The following SRGAP1 variants were observed in gnomAD, a reference collection of about 807,000 sequenced individuals.
SRGAP1 encodes the protein SLIT-ROBO Rho GTPase-activating protein 1.
In SRGAP1, 43 loss-of-function variants were observed where a neutral mutation model predicts 121.9. The observed-to-expected ratio is 0.35, with a 90% CI of 0.28 to 0.46. The LOEUF (loss-of-function observed/expected upper bound fraction) is 0.46, where lower values mean the gene tolerates loss of function less well. Among genes scored for constraint, SRGAP1 ranks in the 20% least tolerant of loss-of-function variants. The pLI, the probability that SRGAP1 is intolerant of heterozygous loss-of-function variation, is 1.00. For synonymous variants in SRGAP1, 447 were observed against 485.4 expected (o/e 0.92, Z 1.04); for missense variants, 1,102 against 1,350.9 (o/e 0.82, Z 2.89).
rs557850527 is a variant in SRGAP1, at chr12:64,113,134, G to A, written c.2144+1148G>A. ...AGAAGAAAAAAAAAAAAGGCTGGGC[G>A]CAGTGGCTCATGCCTATAATCCCAG... On this transcript the variant is annotated intron_variant, in intron 17 of 21. Transcript: ENST00000355086. 2.9e-4 allele frequency among the ~76,000 whole-genome samples: 44 copies of A among 151,868 alleles called. No homozygotes were observed. In the South Asian group the frequency reaches 4.8e-3, roughly 17 times the overall value.
chr12:63,873,949 T>C (rs1899944157), intron 1 of SRGAP1, among the ~76,000 whole-genome samples: 1 of 151,752 alleles, frequency 6.6e-6, no homozygotes, highest in Admixed American at 6.6e-5. Flanking sequence ...GGAGGATCAA[T>C]TGAGTCTGAG....
chr12:63,868,071 T>TG (rs1565927690), intron 1 of SRGAP1, among the ~76,000 whole-genome samples: 90 of 97,634 alleles, frequency 9.2e-4, no homozygotes, highest in African/African-American at 3.8e-3. Context: ...TTTTTTTTTT[T>TG]TTTTTTTGTT....
intron 1 of SRGAP1, among the ~76,000 whole-genome samples, chr12:63,889,425 A>G (rs1032392467): frequency 6.6e-6 from 1 of 152,076 alleles, no homozygotes; most frequent in African/African-American, 2.4e-5. Context: ...CTATTCCTCT[A>G]CTCAAGTAGA....
chr12:64,113,233 C>T (rs1480178161), intron 17 of SRGAP1, among the ~76,000 whole-genome samples: 3 of 151,866 alleles, frequency 2.0e-5, no homozygotes, highest in Non-Finnish European at 4.4e-5. Context: ...CATGGTGAAA[C>T]CCCGTCTCTA....
In SRGAP1 at chr12:64,151,922, G is replaced by A. The variant is rs11175267; in HGVS notation, c.*9250G>A. On this transcript the variant is annotated 3_prime_UTR_variant, in exon 22 of 22. Coordinates refer to ENST00000355086, the MANE Select transcript of SRGAP1 (RefSeq NM_020762.4). ...CCCTCTACATCCTCCAATCTGTTCCGCTGCCTATCTCTGCTCTAAGCTAAT... is the reference window on the plus strand; with the variant it reads ...CCCTCTACATCCTCCAATCTGTTCCACTGCCTATCTCTGCTCTAAGCTAAT... 0.26 allele frequency: 39,532 copies of A among 151,960 alleles called. 5,578 individuals carry two copies. Among genetic ancestry groups the A allele is most frequent in the East Asian group, 0.52 (2,691 of 5,148 alleles). The allele number at this position is 151,960 out of a possible 1,614,324, so 9.4% of individuals were successfully genotyped here.
At chr12:64,004,091 G>A (rs2034000244) in intron 3 of SRGAP1, among the ~76,000 whole-genome samples, 1 of 152,082 alleles carries the variant, frequency 6.6e-6, no homozygotes, top group Non-Finnish European at 1.5e-5. Context: ...GTCATCTGGG[G>A]GCAAAATTGT....
rs747929850 is a variant in SRGAP1 at position 64,000,277 on chromosome 12, A to AGTGTGTGT, written c.426+10205_426+10206insGTGTGTGT. Among the ~76,000 whole-genome samples, 515 of 83,378 alleles carry AGTGTGTGT rather than the reference A, an allele frequency of 6.2e-3. 1 individual carries two copies. The highest frequency in any genetic ancestry group is 0.019 in the African/African-American group (376 of 19,606). The allele number at this position is 83,378 out of a possible 152,430, so 54.7% of individuals were successfully genotyped here. A position where few individuals can be genotyped will look rare whatever the true frequency, so the allele number is the denominator to read the frequency against. The stretch of plus-strand genomic sequence containing the variant: ...GTGTGTGTGTGTGTGTGTGTGTGTA[A>AGTGTGTGT]AAAAAAAAAACCAGGATGTTAGGAC... On this transcript the variant is annotated intron_variant, in intron 3 of 21. Coordinates refer to ENST00000355086, the MANE Select transcript of SRGAP1 (RefSeq NM_020762.4).
chr12:63,869,500 C>G (rs1049470660), intron 1 of SRGAP1, among the ~76,000 whole-genome samples: 2 of 152,090 alleles, frequency 1.3e-5, no homozygotes, highest in African/African-American at 4.8e-5. Context: ...TCCTTCCTTT[C>G]AACAGGGCAG....
At chr12:64,033,898 T>C (rs1337748987) in intron 4 of SRGAP1, among the ~76,000 whole-genome samples, 1 of 151,876 alleles carries the variant, frequency 6.6e-6, no homozygotes, top group Non-Finnish European at 1.5e-5. Context: ...CAGGCGCCTG[T>C]AATCCCAGCT....
At chr12:64,095,334 G>A in intron 14 of SRGAP1, 130 bp downstream of exon 14, 1 of 715,476 alleles carries the variant, frequency 1.4e-6, no homozygotes, top group Non-Finnish European at 2.3e-6. Flanking sequence ...GGGTGCAGCA[G>A]TAAGAATCCA....
In SRGAP1 at chr12:64,062,962, A is replaced by G; in HGVS notation, c.847A>G (p.Thr283Ala). The G allele has an allele frequency of 6.2e-7, 1 of 1,614,038 alleles. No individual in the cohort carries two copies. Among genetic ancestry groups the G allele is most frequent in the East Asian group, 2.2e-5 (1 of 44,834 alleles). Reference protein sequence around the residue: ...YHASLNRALRTYLSAEYNLET... With the variant: ...YHASLNRALRAYLSAEYNLET... ...TGCAAGTCTGAACAGAGCCCTAAGA[A>G]CATATCTGTCTGCGGAGTACAACCT... is the stretch of plus-strand genomic sequence containing the variant. Residue 283 changes from threonine (T) to alanine (A), a missense_variant, in exon 7 of 22, where the codon ACA becomes GCA. Physicochemically the swap from Thr to Ala is moderately conservative, Grantham distance 58 (BLOSUM62 0). Transcript: ENST00000355086.
intron 1 of SRGAP1, among the ~76,000 whole-genome samples, chr12:63,896,858 A>G (rs1487584578): frequency 6.6e-6 from 1 of 152,244 alleles, no homozygotes; most frequent in Non-Finnish European, 1.5e-5. Context: ...TTACTTGGAA[A>G]GAAGGTCCTA....
intron 21 of SRGAP1, among the ~76,000 whole-genome samples, chr12:64,136,385 T>C (rs1399203858): frequency 2.0e-5 from 3 of 152,134 alleles, no homozygotes; most frequent in Non-Finnish European, 4.4e-5. Flanking sequence ...TGTATGTTTA[T>C]AATCAGTGAG....
chr12:63,964,430 T>G (rs2032727858), intron 1 of SRGAP1, among the ~76,000 whole-genome samples: 1 of 152,198 alleles, frequency 6.6e-6, no homozygotes, highest in African/African-American at 2.4e-5. Context: ...GAGTATTTAT[T>G]ATACCTGTTT....
intron 8 of SRGAP1, among the ~76,000 whole-genome samples, chr12:64,076,339 T>C (rs1229694532): frequency 6.6e-6 from 1 of 152,160 alleles, no homozygotes; most frequent in Non-Finnish European, 1.5e-5. Flanking sequence ...AAAGAACTAT[T>C]TACAATGTTC....
At chr12:63,880,867 G>A (rs899380806) in intron 1 of SRGAP1, among the ~76,000 whole-genome samples, 1 of 152,182 alleles carries the variant, frequency 6.6e-6, no homozygotes, top group African/African-American at 2.4e-5. Flanking sequence ...CCTCGAAAAT[G>A]TACTGATGTG....
intron 3 of SRGAP1, among the ~76,000 whole-genome samples, chr12:63,991,476 C>G (rs891690263): frequency 6.6e-6 from 1 of 152,100 alleles, no homozygotes; most frequent in Non-Finnish European, 1.5e-5. Flanking sequence ...AAAGGAGAAA[C>G]TTTAAAAATT....
chr12:63,870,980 T>G (rs1411298491), intron 1 of SRGAP1, among the ~76,000 whole-genome samples: 1 of 152,148 alleles, frequency 6.6e-6, no homozygotes, highest in African/African-American at 2.4e-5. Context: ...GTTGGTCCTC[T>G]TTGAGTGGTG....
chr12:64,106,621 A>T (rs2036348989), intron 15 of SRGAP1, among the ~76,000 whole-genome samples: 1 of 152,212 alleles, frequency 6.6e-6, no homozygotes, highest in Non-Finnish European at 1.5e-5. Context: ...TCTTGATCCT[A>T]CCAGGACCAA....
Sources: gnomAD v4.1 joint callset for allele counts (sites outside exome capture counted in the v4.1 genomes callset) on GRCh38, gnomAD v4.1.1 for gene constraint, MANE v1.5 for transcripts, NCBI Gene and HGNC (gene_info 2026-07-23, HGNC 2026-07-21) for gene names.